The following ZBTB43 variants were observed in gnomAD, a reference collection of about 807,000 sequenced individuals.
ZBTB43 encodes the protein zinc finger and BTB domain-containing protein 43.
ZBTB43 carries 6 observed loss-of-function variants against 31.1 expected under a neutral mutation model. The observed-to-expected ratio is 0.19, with a 90% confidence interval of 0.11 to 0.38. ZBTB43 has a LOEUF of 0.38. Ranked by LOEUF, ZBTB43 falls within the 10% of genes least tolerant of loss-of-function variation. ZBTB43 has a pLI of 1.00. For missense variants in ZBTB43, 379 were observed against 602.1 expected (o/e 0.63, Z 3.88); for synonymous variants, 212 against 221.7 (o/e 0.96, Z 0.39).
At chr9:126,819,270 G>A (rs887548238) in intron 2 of ZBTB43, among the ~76,000 whole-genome samples, 1 of 146,038 alleles carries the variant, frequency 6.8e-6, no homozygotes, top group Admixed American at 6.9e-5. Context: ...TGTGCTTCAC[G>A]GATATTGCAT....
rs139107183 is a variant in ZBTB43, at chr9:126,810,001, ATTTT to A, written c.-24+1090_-24+1093del. 4.6e-5 allele frequency among the ~76,000 whole-genome samples: 7 copies of A among 151,730 alleles called. No homozygotes were observed. In the East Asian group the frequency reaches 1.4e-3, roughly 29 times the overall value. On this transcript the variant is annotated intron_variant, in intron 2 of 2. Coordinates refer to ENST00000373464, the MANE Select transcript of ZBTB43 (RefSeq NM_014007.4). ...AGGTGCCGGCCACCACACCCGGCTA[ATTTT>A]TTTGTATTTTTAGTAGAGATGGGGT...
chr9:126,810,400 G>A (rs1365095441), intron 2 of ZBTB43, among the ~76,000 whole-genome samples: 4 of 151,064 alleles, frequency 2.6e-5, no homozygotes, highest in Non-Finnish European at 5.9e-5. Flanking sequence ...CGCCTTCTTG[G>A]CCAGGCCAGT....
At chr9:126,820,307 A>G (rs2032481758) in intron 2 of ZBTB43, among the ~76,000 whole-genome samples, 1 of 152,194 alleles carries the variant, frequency 6.6e-6, no homozygotes. Context: ...CTCTCTCATT[A>G]GGGGCTAATG....
rs1055657193 is a variant in ZBTB43, at chr9:126,832,472, T to G, written c.-23-15T>G. 7 of 1,561,204 alleles carry G rather than the reference T, an allele frequency of 4.5e-6. No individual in the cohort carries two copies. In the African/African-American group the frequency reaches 9.6e-5, roughly 21 times the overall value. On this transcript the variant is annotated splice_polypyrimidine_tract_variant and intron_variant, in intron 2 of 2. Transcript: ENST00000373464. Reference sequence around the variant, plus strand: ...TTTGGGCTGGAATTTGTACTAATTTTTCTTTCTCTTGTAGCACCGAACAAG... The same window carrying G: ...TTTGGGCTGGAATTTGTACTAATTTGTCTTTCTCTTGTAGCACCGAACAAG...
At chr9:126,813,589 C>T (rs1328327366) in intron 2 of ZBTB43, among the ~76,000 whole-genome samples, 1 of 152,116 alleles carries the variant, frequency 6.6e-6, no homozygotes, top group African/African-American at 2.4e-5. Flanking sequence ...ATGGTAATTT[C>T]ACCATAATCT....
intron 1 of ZBTB43, among the ~76,000 whole-genome samples, chr9:126,808,113 C>A (rs2032167212): frequency 6.6e-6 from 1 of 152,162 alleles, no homozygotes; most frequent in African/African-American, 2.4e-5. Context: ...ATCCTGAATT[C>A]TAATGCACGT....
At chr9:126,825,402 C>T (rs917445944) in intron 2 of ZBTB43, among the ~76,000 whole-genome samples, 1 of 152,068 alleles carries the variant, frequency 6.6e-6, no homozygotes, top group Non-Finnish European at 1.5e-5. Flanking sequence ...GCAGAGCTAC[C>T]GTAACAAAAT....
chr9:126,823,239 A>G (rs2032553701), intron 2 of ZBTB43, among the ~76,000 whole-genome samples: 1 of 151,782 alleles, frequency 6.6e-6, no homozygotes, highest in South Asian at 2.1e-4. Context: ...AGAACTGTCT[A>G]TTCCTTCCTT....
chr9:126,809,842 C>CTTTTTTTTTTTTTT lies in ZBTB43; in HGVS notation c.-24+938_-24+939insTTTTTTTTTTTTTT, dbSNP rs565506794. ...CAAAGTGGCATAAAACTGCTGGTAT[C>CTTTTTTTTTTTTTT]TTTTTTTTTTTGAGACAGAGTCTCG... On this transcript the variant is annotated intron_variant, in intron 2 of 2. Transcript: ENST00000373464. 7.3e-4 allele frequency among the ~76,000 whole-genome samples: 108 copies of CTTTTTTTTTTTTTT among 147,186 alleles called. 1 individual carries two copies. Among genetic ancestry groups the CTTTTTTTTTTTTTT allele is most frequent in the African/African-American group, 2.6e-3 (104 of 40,114 alleles).
In ZBTB43 at chr9:126,826,824, C is replaced by G. The variant is rs934660998; in HGVS notation, c.-23-5663C>G. 2.0e-5 allele frequency among the ~76,000 whole-genome samples: 3 copies of G among 152,126 alleles called. No individual in the cohort carries two copies. The South Asian group carries it at 6.2e-4, about 31-fold the overall frequency. ...GACATCGTTGTCCTGATTTTCTTTA[C>G]TTTATTCATTATTTTCTTTTGTTCT... On this transcript the variant is annotated intron_variant, in intron 2 of 2. Transcript: ENST00000373464.
chr9:126,828,654 A>T (rs6478757), intron 2 of ZBTB43, among the ~76,000 whole-genome samples: 52,732 of 126,582 alleles, frequency 0.42, 11,010 homozygotes, highest in African/African-American at 0.5. Context: ...TAATAATAAT[A>T]ATTATTATTA....
chr9:126,826,109 G>A (rs1364804576), intron 2 of ZBTB43, among the ~76,000 whole-genome samples: 1 of 151,460 alleles, frequency 6.6e-6, no homozygotes, highest in Non-Finnish European at 1.5e-5. Flanking sequence ...CACCTCCCGG[G>A]TTCAAGCAAT....
intron 2 of ZBTB43, among the ~76,000 whole-genome samples, chr9:126,819,960 A>G (rs1016439205): frequency 6.6e-6 from 1 of 152,250 alleles, no homozygotes; most frequent in African/African-American, 2.4e-5. Flanking sequence ...CAAAGCCGTC[A>G]GAAGAAGACC....
At chr9:126,830,158 A>G (rs1210000104) in intron 2 of ZBTB43, among the ~76,000 whole-genome samples, 1 of 152,226 alleles carries the variant, frequency 6.6e-6, no homozygotes, top group Non-Finnish European at 1.5e-5. Context: ...AGTTACTTAA[A>G]ATAGCTGAAC....
At chr9:126,823,194 G>C (rs2119144486) in intron 2 of ZBTB43, among the ~76,000 whole-genome samples, 1 of 152,172 alleles carries the variant, frequency 6.6e-6, no homozygotes, top group African/African-American at 2.4e-5. Flanking sequence ...ATCAATTCTT[G>C]AAAGTGGGGT....
intron 2 of ZBTB43, among the ~76,000 whole-genome samples, chr9:126,815,680 T>C (rs2119126671): frequency 6.6e-6 from 1 of 150,970 alleles, no homozygotes; most frequent in African/African-American, 2.4e-5. Context: ...TTCAATAGTT[T>C]CCCTGTCTGT....
chr9:126,834,060 T>A lies in ZBTB43; in HGVS notation c.*147T>A. The A allele has an allele frequency of 1.1e-6, 1 of 914,072 alleles. No individual in the cohort carries two copies. The allele number at this position is 914,072 out of a possible 1,614,324, so 56.6% of individuals were successfully genotyped here. A position where few individuals can be genotyped will look rare whatever the true frequency, so the allele number is the denominator to read the frequency against. Reference sequence around the variant, plus strand: ...ATATTTCTGAAAGACCAGCTCTAAGTAGGCCAATTAAAAAAATCTAATTCC... The same window carrying A: ...ATATTTCTGAAAGACCAGCTCTAAGAAGGCCAATTAAAAAAATCTAATTCC... On this transcript the variant is annotated 3_prime_UTR_variant, in exon 3 of 3. Coordinates refer to ENST00000373464, the MANE Select transcript of ZBTB43 (RefSeq NM_014007.4).
rs561169805 is a variant in ZBTB43 at position 126,836,564 on chromosome 9, C to T, written c.*2651C>T. 1 of 167,002 alleles carries T rather than the reference C, an allele frequency of 6.0e-6. No homozygotes were observed. The highest frequency in any genetic ancestry group is 1.5e-5 in the Non-Finnish European group (1 of 68,100). 10.3% of individuals were successfully genotyped at this position (167,002 alleles called of 1,614,324 possible). Reference sequence around the variant, plus strand: ...GAATTTTTGTAAACTCTGGTTTTTACCTTTTTTTCATCCCCACGTTGAGTT... The same window carrying T: ...GAATTTTTGTAAACTCTGGTTTTTATCTTTTTTTCATCCCCACGTTGAGTT... On this transcript the variant is annotated 3_prime_UTR_variant, in exon 3 of 3. Transcript: ENST00000373464.
In ZBTB43 at chr9:126,837,926, C is replaced by T. The variant is rs1249758675; in HGVS notation, c.*4013C>T. 1.2e-5 allele frequency: 2 copies of T among 164,770 alleles called. No individual in the cohort carries two copies. Among genetic ancestry groups the T allele is most frequent in the East Asian group, 2.0e-4 (1 of 5,104 alleles). The allele number at this position is 164,770 out of a possible 1,614,324, so 10.2% of individuals were successfully genotyped here. A position where few individuals can be genotyped will look rare whatever the true frequency, so the allele number is the denominator to read the frequency against. ...TCCTTTTGTGAGGTTCCCAATGTTT[C>T]GTCCAGAAAAGTACTTTATTTATGC... On this transcript the variant is annotated 3_prime_UTR_variant, in exon 3 of 3. Coordinates refer to ENST00000373464, the MANE Select transcript of ZBTB43 (RefSeq NM_014007.4).
Sources: gnomAD v4.1 joint callset for allele counts (sites outside exome capture counted in the v4.1 genomes callset) on GRCh38, gnomAD v4.1.1 for gene constraint, MANE v1.5 for transcripts, NCBI Gene and HGNC (gene_info 2026-07-23, HGNC 2026-07-21) for gene names.